The following LDLRAD3 variants were observed in gnomAD, a reference collection of about 807,000 sequenced individuals.
The protein encoded by LDLRAD3 is low-density lipoprotein receptor class A domain-containing protein 3.
In LDLRAD3, 20 loss-of-function variants were observed where a neutral mutation model predicts 29.4. The ratio of observed to expected loss-of-function variants is 0.68; its 90% CI spans 0.48 to 0.99. The LOEUF is 0.99. Among genes scored for constraint, LDLRAD3 ranks in the 50% least tolerant of loss-of-function variants. The pLI is 0.00. For missense variants in LDLRAD3, 420 were observed against 454.3 expected, an observed-to-expected ratio of 0.92 and a Z score of 0.69; for synonymous variants, 157 against 192.7, an observed-to-expected ratio of 0.81 and a Z score of 1.53.
intron 1 of LDLRAD3, among the ~76,000 whole-genome samples, chr11:36,020,095 G>A (rs973180366): frequency 3.9e-5 from 6 of 152,102 alleles, no homozygotes; most frequent in Non-Finnish European, 8.8e-5. Context: ...GAGTTCTGGA[G>A]GCAAGCTTTT....
At chr11:36,165,547 T>TA (rs1280476846) in intron 4 of LDLRAD3, among the ~76,000 whole-genome samples, 1 of 152,158 alleles carries the variant, frequency 6.6e-6, no homozygotes, top group African/African-American at 2.4e-5. Context: ...ATTATCATTT[T>TA]AAAAAATCAT....
At chr11:35,995,571 CAGTT>C (rs1851743635) in intron 1 of LDLRAD3, among the ~76,000 whole-genome samples, 1 of 152,246 alleles carries the variant, frequency 6.6e-6, no homozygotes, top group Non-Finnish European at 1.5e-5. Context: ...CTTAACAAGA[CAGTT>C]AGCCTGTCCT....
At chr11:36,169,076 G>C (rs1854558472) in intron 4 of LDLRAD3, among the ~76,000 whole-genome samples, 1 of 152,136 alleles carries the variant, frequency 6.6e-6, no homozygotes, top group South Asian at 2.1e-4. Context: ...ATTTGGGTGA[G>C]TGCAGACTAC....
rs910151603 is a variant in LDLRAD3, at chr11:36,013,310, T to G, written c.47-22793T>G. Among the ~76,000 whole-genome samples the G allele has an allele frequency of 1.3e-5, 2 of 152,308 alleles. 1 individual carries two copies. The highest frequency in any genetic ancestry group is 4.2e-4 in the South Asian group (2 of 4,818). On this transcript the variant is annotated intron_variant, in intron 1 of 5. Coordinates refer to ENST00000315571, the MANE Select transcript of LDLRAD3 (RefSeq NM_174902.4). Reference sequence around the variant, plus strand: ...GTTTCTTCTTCTTCTTTTTTTTTACTTTAAGTTCCGAGATACATGTGCAGA... The same window carrying G: ...GTTTCTTCTTCTTCTTTTTTTTTACGTTAAGTTCCGAGATACATGTGCAGA...
At chr11:35,970,003 G>A (rs760540957) in intron 1 of LDLRAD3, among the ~76,000 whole-genome samples, 1 of 152,176 alleles carries the variant, frequency 6.6e-6, no homozygotes, top group Non-Finnish European at 1.5e-5. Flanking sequence ...AAGAAGCTAG[G>A]CCTGATCTTC....
intron 2 of LDLRAD3, among the ~76,000 whole-genome samples, chr11:36,044,075 A>G (rs1042966737): frequency 2.6e-5 from 4 of 152,166 alleles, no homozygotes; most frequent in Non-Finnish European, 5.9e-5. Context: ...CAAAACCATT[A>G]ATGCTATGGT....
intron 4 of LDLRAD3, among the ~76,000 whole-genome samples, chr11:36,168,741 C>A (rs376422843): frequency 1.5e-4 from 23 of 151,982 alleles, no homozygotes; most frequent in African/African-American, 5.6e-4. Context: ...CAGGGAGTAT[C>A]GACCAAAATC....
chr11:36,203,789 A>G (rs956117950), intron 4 of LDLRAD3, among the ~76,000 whole-genome samples: 5 of 152,182 alleles, frequency 3.3e-5, no homozygotes, highest in Admixed American at 6.5e-5. Context: ...GCATAACCCC[A>G]GAAGGCTTCT....
chr11:36,036,645 A>G (rs1359501778), intron 2 of LDLRAD3, among the ~76,000 whole-genome samples: 1 of 152,208 alleles, frequency 6.6e-6, no homozygotes, highest in Non-Finnish European at 1.5e-5. Flanking sequence ...ACCAGAGTCC[A>G]TGCTGGTGAC....
chr11:36,093,648 C>A (rs2133269117), intron 3 of LDLRAD3, among the ~76,000 whole-genome samples: 1 of 152,270 alleles, frequency 6.6e-6, no homozygotes, highest in East Asian at 1.9e-4. Flanking sequence ...CTGGAGGCAC[C>A]CTGCCCATTC....
At chr11:36,081,035 G>C (rs1853105467) in intron 2 of LDLRAD3, among the ~76,000 whole-genome samples, 1 of 152,154 alleles carries the variant, frequency 6.6e-6, no homozygotes, top group African/African-American at 2.4e-5. Context: ...AAACAGTTTA[G>C]GTACAGTGAG....
chr11:36,042,418 C>T (rs990678679), intron 2 of LDLRAD3, among the ~76,000 whole-genome samples: 2 of 152,076 alleles, frequency 1.3e-5, no homozygotes, highest in South Asian at 4.2e-4. Context: ...TCTCTTGGGC[C>T]GTTCTGTCAT....
chr11:36,139,338 C>T (rs1398415850), intron 4 of LDLRAD3, among the ~76,000 whole-genome samples: 1 of 152,172 alleles, frequency 6.6e-6, no homozygotes, highest in African/African-American at 2.4e-5. Context: ...CATAATTCAT[C>T]CGTCAATTAT....
chr11:35,980,334 C>T (rs930463179), intron 1 of LDLRAD3, among the ~76,000 whole-genome samples: 8 of 152,066 alleles, frequency 5.3e-5, no homozygotes, highest in African/African-American at 1.9e-4. Context: ...TTGGGATGGG[C>T]GTTATACGGC....
chr11:36,223,985 A>G (rs1027901553), intron 4 of LDLRAD3, among the ~76,000 whole-genome samples: 51 of 151,714 alleles, frequency 3.4e-4, no homozygotes, highest in Admixed American at 3.4e-3. Context: ...AACGTTAATA[A>G]TGTGTATGAA....
intron 4 of LDLRAD3, among the ~76,000 whole-genome samples, chr11:36,166,010 C>T (rs1180346210): frequency 1.1e-4 from 14 of 132,874 alleles, no homozygotes; most frequent in African/African-American, 3.8e-4. Context: ...TCCTCTATTC[C>T]ATCCTCTCCT....
intron 4 of LDLRAD3, among the ~76,000 whole-genome samples, chr11:36,188,371 C>CAAAAAAA (rs57049829): frequency 3.2e-5 from 2 of 62,030 alleles, no homozygotes; most frequent in East Asian, 5.5e-4. Context: ...GGAAAACCAG[C>CAAAAAAA]AAAAAAAAAA....
At chr11:36,085,629 T>A (rs1853184778) in intron 3 of LDLRAD3, among the ~76,000 whole-genome samples, 1 of 151,754 alleles carries the variant, frequency 6.6e-6, no homozygotes, top group African/African-American at 2.4e-5. Context: ...TTTTGGGGGG[T>A]AGGTCAGGGT....
At chr11:36,195,761 A>T (rs1024064436) in intron 4 of LDLRAD3, among the ~76,000 whole-genome samples, 1 of 152,138 alleles carries the variant, frequency 6.6e-6, no homozygotes, top group Non-Finnish European at 1.5e-5. Context: ...TCAGTCACCC[A>T]AGACACTTGA....
Sources: allele counts gnomAD v4.1 joint callset (sites outside exome capture counted in the v4.1 genomes callset), GRCh38; gene constraint gnomAD v4.1.1; transcripts MANE v1.5; gene names NCBI Gene and HGNC (gene_info 2026-07-23, HGNC 2026-07-21).